Variants in MAN2A1 observed in about 807,000 individuals in gnomAD.
The protein encoded by MAN2A1 is alpha-mannosidase 2.
Under a neutral mutation model 142.6 loss-of-function variants are expected in MAN2A1, and 76 were observed. That is an observed-to-expected ratio of 0.53 (90% CI 0.44 to 0.65). MAN2A1 has a LOEUF of 0.65. Ranked by LOEUF, MAN2A1 falls within the 30% of genes least tolerant of loss-of-function variation. MAN2A1 has a pLI of 0.00. For synonymous variants in MAN2A1, 559 were observed against 473.2 expected (o/e 1.18, Z -2.35); for missense variants, 1,311 against 1,365.1 (o/e 0.96, Z 0.62).
At chr5:109,712,686 G>A (rs534252148) in intron 1 of MAN2A1, among the ~76,000 whole-genome samples, 31 of 152,096 alleles carry the variant, frequency 2.0e-4, no homozygotes, top group Admixed American at 1.9e-3. Flanking sequence ...ACAGGGGCCC[G>A]TATCTTATGC....
intron 4 of MAN2A1, among the ~76,000 whole-genome samples, chr5:109,738,421 C>CT (rs1054872790): frequency 6.6e-6 from 1 of 151,906 alleles, no homozygotes; most frequent in African/African-American, 2.4e-5. Flanking sequence ...CATCTTTTCT[C>CT]TTTTTTATAA....
At chr5:109,779,093 G>T (rs1753373326) in intron 8 of MAN2A1, among the ~76,000 whole-genome samples, 1 of 152,064 alleles carries the variant, frequency 6.6e-6, no homozygotes, top group Non-Finnish European at 1.5e-5. Flanking sequence ...GAGCTACCAA[G>T]AGACTTTCTA....
At chr5:109,725,196 TCTC>T (rs1751709328) in intron 3 of MAN2A1, among the ~76,000 whole-genome samples, 1 of 152,212 alleles carries the variant, frequency 6.6e-6, no homozygotes, top group African/African-American at 2.4e-5. Flanking sequence ...AAATAGGTCT[TCTC>T]CTCTTGCCTG....
At chr5:109,784,224 C>A (rs1206611005) in intron 9 of MAN2A1, among the ~76,000 whole-genome samples, 1 of 152,156 alleles carries the variant, frequency 6.6e-6, no homozygotes, top group Non-Finnish European at 1.5e-5. Context: ...AAAACTGAAA[C>A]TAACCCTTTC....
In MAN2A1 at chr5:109,713,676, G is replaced by C. The variant is rs1231283446; in HGVS notation, c.292G>C (p.Ala98Pro). 1.2e-6 allele frequency: 2 copies of C among 1,614,086 alleles called. No homozygotes were observed. Among genetic ancestry groups the C allele is most frequent in the African/African-American group, 1.3e-5 (1 of 74,932 alleles). Residue 98 changes from alanine (A) to proline (P), a missense_variant, in exon 2 of 22, where the codon GCT becomes CCT. Ala to Pro is a conservative substitution (Grantham distance 27, BLOSUM62 -1). Transcript: ENST00000261483. The stretch of plus-strand genomic sequence containing the variant: ...TTCACAAAGCAATTTCAGCCAAGGT[G>C]CTGGCTCACATCTTCTGCCCTCACA... ...KSSQSNFSQG[A>P]GSHLLPSQLS...
At chr5:109,718,123 A>G (rs1751505999) in intron 3 of MAN2A1, among the ~76,000 whole-genome samples, 3 of 152,134 alleles carry the variant, frequency 2.0e-5, no homozygotes, top group South Asian at 2.1e-4. Flanking sequence ...CTTTCTGCCA[A>G]TCATGTTTAG....
At chr5:109,754,445 A>G (rs984708062) in intron 4 of MAN2A1, among the ~76,000 whole-genome samples, 6 of 152,144 alleles carry the variant, frequency 3.9e-5, no homozygotes, top group East Asian at 3.8e-4. Context: ...CTATATTTCA[A>G]CTGAATCTGG....
chr5:109,802,520 A>G (rs1241474617), intron 12 of MAN2A1, among the ~76,000 whole-genome samples: 1 of 152,186 alleles, frequency 6.6e-6, no homozygotes, highest in Non-Finnish European at 1.5e-5. Flanking sequence ...ATAATTAGCA[A>G]GCTTCCTAAA....
At chr5:109,789,622 C>A in intron 12 of MAN2A1, 95 bp downstream of exon 12, 1 of 782,282 alleles carries the variant, frequency 1.3e-6, no homozygotes, top group Non-Finnish European at 2.0e-6. Flanking sequence ...TATTTTGAGG[C>A]AATCAATTTA....
At chr5:109,765,204 T>G (rs1752957993) in intron 5 of MAN2A1, among the ~76,000 whole-genome samples, 1 of 152,164 alleles carries the variant, frequency 6.6e-6, no homozygotes, top group African/African-American at 2.4e-5. Context: ...GGTCGTACAT[T>G]GCATTTAGTT....
chr5:109,725,250 A>G (rs1255497954), intron 3 of MAN2A1, among the ~76,000 whole-genome samples: 5 of 152,206 alleles, frequency 3.3e-5, no homozygotes, highest in African/African-American at 1.2e-4. Flanking sequence ...ATGTAGGTTT[A>G]GATTGCTGTT....
chr5:109,820,184 G>T (rs1178855155), intron 14 of MAN2A1, 36 bp from the exon 15 acceptor site: 3 of 1,548,574 alleles, frequency 1.9e-6, no homozygotes, highest in Admixed American at 3.5e-5. Context: ...ACATCTTAGT[G>T]GTGAGTTGCT....
intron 11 of MAN2A1, 121 bp downstream of exon 11, chr5:109,789,169 G>T: frequency 1.8e-6 from 1 of 565,296 alleles, no homozygotes; most frequent in South Asian, 3.0e-5. Flanking sequence ...TACATTATTT[G>T]AAAGAATTTT....
intron 4 of MAN2A1, among the ~76,000 whole-genome samples, chr5:109,735,351 T>A (rs2112594675): frequency 6.6e-6 from 1 of 152,366 alleles, no homozygotes; most frequent in Admixed American, 6.5e-5. Flanking sequence ...GTCTTTTAAT[T>A]GGAGCATTTA....
At chr5:109,825,935 C>A (rs1484841091) in intron 16 of MAN2A1, among the ~76,000 whole-genome samples, 1 of 107,014 alleles carries the variant, frequency 9.3e-6, no homozygotes, top group Non-Finnish European at 1.7e-5. Context: ...TTGACAGAGT[C>A]TCGCTCTATC....
At chr5:109,739,909 A>G (rs1431651004) in intron 4 of MAN2A1, among the ~76,000 whole-genome samples, 1 of 152,168 alleles carries the variant, frequency 6.6e-6, no homozygotes, top group Admixed American at 6.6e-5. Context: ...TTGAATCTTT[A>G]GAGAGCGAAG....
intron 12 of MAN2A1, among the ~76,000 whole-genome samples, chr5:109,796,239 CT>C (rs1753858112): frequency 6.6e-6 from 1 of 152,092 alleles, no homozygotes; most frequent in African/African-American, 2.4e-5. Context: ...AGTTTAAGTT[CT>C]TGCTATACTT....
At chr5:109,702,362 T>C (rs1751013300) in intron 1 of MAN2A1, among the ~76,000 whole-genome samples, 1 of 149,208 alleles carries the variant, frequency 6.7e-6, no homozygotes, top group Admixed American at 6.7e-5. Flanking sequence ...TCTGTGTGTG[T>C]AGGGAGGATG....
At chr5:109,806,961 G>C (rs1323901258) in intron 12 of MAN2A1, among the ~76,000 whole-genome samples, 2 of 152,158 alleles carry the variant, frequency 1.3e-5, no homozygotes, top group Non-Finnish European at 2.9e-5. Context: ...TAGGAAGATA[G>C]GGTAGCATTT....
Sources: gnomAD v4.1 joint callset for allele counts (sites outside exome capture counted in the v4.1 genomes callset) on GRCh38, gnomAD v4.1.1 for gene constraint, MANE v1.5 for transcripts, NCBI Gene and HGNC (gene_info 2026-07-23, HGNC 2026-07-21) for gene names.